PDE1A: variants seen among roughly 807,000 people sequenced by gnomAD.
PDE1A encodes phosphodiesterase 1A.
PDE1A carries 35 observed loss-of-function variants against 61.7 expected under a neutral mutation model. The observed-to-expected ratio is 0.57, with a 90% CI of 0.43 to 0.75. The LOEUF (loss-of-function observed/expected upper bound fraction) is 0.75, where lower values mean the gene tolerates loss of function less well. Among genes scored for constraint, PDE1A ranks in the 30% least tolerant of loss-of-function variants. The pLI, the probability that PDE1A is intolerant of heterozygous loss-of-function variation, is 0.00. For missense variants in PDE1A, 597 were observed against 630.6 expected (o/e 0.95, Z 0.57); for synonymous variants, 232 against 213.2 (o/e 1.09, Z -0.77).
At chr2:182,457,757 T>C (rs534715197) in intron 2 of PDE1A, among the ~76,000 whole-genome samples, 2 of 152,160 alleles carry the variant, frequency 1.3e-5, no homozygotes, top group East Asian at 3.9e-4. Flanking sequence ...GACTTATATA[T>C]TGTTTTGATA....
At chr2:182,168,303 A>AG (rs1205780475) in intron 13 of PDE1A, 1 of 1,582,324 alleles carries the variant, frequency 6.3e-7, no homozygotes, top group Admixed American at 1.9e-5. Flanking sequence ...GAAAAAAAAA[A>AG]AAGCGTACTT....
rs13428559 is a variant in PDE1A at position 182,339,193 on chromosome 2, T to C, written c.54-74779A>G. The stretch of plus-strand genomic sequence containing the variant: ...TTTAGTAGAACTAAAAGAGACACAA[T>C]GAATAGAACCACTTCCACTTGTTTA... On this transcript the variant is annotated intron_variant, in intron 1 of 13. Coordinates refer to ENST00000351439, the Ensembl canonical transcript of PDE1A. Among the ~76,000 whole-genome samples, 267 of 152,298 alleles carry C rather than the reference T, an allele frequency of 1.8e-3. 2 individuals carry two copies. Among genetic ancestry groups the C allele is most frequent in the African/African-American group, 6.2e-3 (258 of 41,578 alleles).
At chr2:182,577,992 G>GGAAGGAAC in the PDE1A span, among the ~76,000 whole-genome samples, 4 of 148,328 alleles carry the variant, frequency 2.7e-5, no homozygotes, top group African/African-American at 1.0e-4. Context: ...AAGGAAGGAA[G>GGAAGGAAC]GGACGGAGGG....
the PDE1A span, among the ~76,000 whole-genome samples, chr2:182,562,623 A>C: frequency 1.3e-5 from 2 of 152,106 alleles, no homozygotes; most frequent in Admixed American, 6.5e-5. Context: ...TAGTTTCAGA[A>C]GGAATGGTAC....
chr2:182,381,679 G>C (rs896773741), intron 1 of PDE1A, among the ~76,000 whole-genome samples: 3 of 152,086 alleles, frequency 2.0e-5, no homozygotes, highest in African/African-American at 7.2e-5. Flanking sequence ...AGGCATGGTG[G>C]TGCATGCCTA....
the PDE1A span, among the ~76,000 whole-genome samples, chr2:182,696,563 T>C: frequency 1.3e-5 from 2 of 152,216 alleles, no homozygotes; most frequent in South Asian, 2.1e-4. Flanking sequence ...TATGTCATTA[T>C]ACATTTGTTC....
intron 7 of PDE1A, among the ~76,000 whole-genome samples, chr2:182,222,061 C>A (rs1018411240): frequency 1.3e-5 from 2 of 151,826 alleles, no homozygotes; most frequent in African/African-American, 4.8e-5. Flanking sequence ...TATTAAAAAA[C>A]CAAATGAACT....
chr2:182,516,820 G>GGAA (rs1272912637), intron 2 of PDE1A, among the ~76,000 whole-genome samples: 1 of 80,980 alleles, frequency 1.2e-5, no homozygotes. Context: ...AGGAAAGGAA[G>GGAA]GGAAGGAAGG....
At chr2:182,553,665 A>C in the PDE1A span, among the ~76,000 whole-genome samples, 3 of 152,258 alleles carry the variant, frequency 2.0e-5, no homozygotes, top group Non-Finnish European at 4.4e-5. Context: ...GGAATTGTGA[A>C]AAGAATGATT....
At chr2:182,433,201 G>A (rs1311580007) in intron 2 of PDE1A, among the ~76,000 whole-genome samples, 1 of 151,950 alleles carries the variant, frequency 6.6e-6, no homozygotes, top group Non-Finnish European at 1.5e-5. Context: ...CTTGGGATTG[G>A]CCACACCATA....
At chr2:182,171,057 G>T (rs551127729) in intron 13 of PDE1A, among the ~76,000 whole-genome samples, 3 of 151,978 alleles carry the variant, frequency 2.0e-5, no homozygotes, top group African/African-American at 7.2e-5. Context: ...TTTTTAACCA[G>T]TGATATAAAA....
chr2:182,402,062 T>C (rs952994557), intron 1 of PDE1A, among the ~76,000 whole-genome samples: 10 of 152,138 alleles, frequency 6.6e-5, no homozygotes, highest in African/African-American at 2.4e-4. Context: ...TGCTCATGAA[T>C]AGAAAGAATC....
At chr2:182,543,839 A>G in the PDE1A span, among the ~76,000 whole-genome samples, 3 of 152,170 alleles carry the variant, frequency 2.0e-5, no homozygotes, top group African/African-American at 7.2e-5. Context: ...TTTTAATAGG[A>G]TGTAGACTAA....
the PDE1A span, among the ~76,000 whole-genome samples, chr2:182,542,771 T>G: frequency 6.6e-6 from 1 of 152,220 alleles, no homozygotes; most frequent in Non-Finnish European, 1.5e-5. Context: ...AAGCCAATTG[T>G]CAAGATAATA....
chr2:182,597,644 G>A, the PDE1A span, among the ~76,000 whole-genome samples: 1 of 152,190 alleles, frequency 6.6e-6, no homozygotes, highest in Admixed American at 6.5e-5. Context: ...ATTAAGAAGT[G>A]TACTTTTTCA....
At chr2:182,367,841 T>TA (rs1054117126) in intron 1 of PDE1A, among the ~76,000 whole-genome samples, 3 of 152,118 alleles carry the variant, frequency 2.0e-5, no homozygotes, top group Non-Finnish European at 4.4e-5. Flanking sequence ...TATCTGTCTT[T>TA]AAAAAAATCC....
intron 2 of PDE1A, among the ~76,000 whole-genome samples, chr2:182,247,405 T>C (rs1691054377): frequency 6.6e-6 from 1 of 152,242 alleles, no homozygotes; most frequent in Non-Finnish European, 1.5e-5. Context: ...TTCATTAAGA[T>C]GGTTATTCCA....
downstream of PDE1A, among the ~76,000 whole-genome samples, chr2:182,145,545 C>A (rs753711963): frequency 6.6e-6 from 1 of 151,804 alleles, no homozygotes; most frequent in African/African-American, 2.4e-5. Flanking sequence ...CTGGGCAACA[C>A]GCTGAAACCC....
the PDE1A span, among the ~76,000 whole-genome samples, chr2:182,674,625 C>A: frequency 6.6e-6 from 1 of 151,752 alleles, no homozygotes; most frequent in South Asian, 2.1e-4. Context: ...GTCCCACAAA[C>A]AGACTCCTTC....
Sources: allele counts gnomAD v4.1 joint callset (sites outside exome capture counted in the v4.1 genomes callset), GRCh38; gene constraint gnomAD v4.1.1; transcripts MANE v1.5; gene names NCBI Gene and HGNC (gene_info 2026-07-23, HGNC 2026-07-21).